The following HESX1 variants were observed in gnomAD, a reference collection of about 807,000 sequenced individuals.
The protein encoded by HESX1 is HESX homeobox 1, also known as homeobox expressed in ES cells 1.
HESX1 carries 11 observed loss-of-function variants against 22.5 expected under a neutral mutation model. That is an observed-to-expected ratio of 0.49 (90% confidence interval 0.31 to 0.81). The LOEUF is 0.81. Among genes scored for constraint, HESX1 ranks in the 30% least tolerant of loss-of-function variants. The pLI, the probability that HESX1 is intolerant of heterozygous loss-of-function variation, is 0.05. For missense variants in HESX1, 201 were observed against 212.6 expected (o/e 0.95, Z 0.34); for synonymous variants, 74 against 76.5 (o/e 0.97, Z 0.17).
chr3:57,212,668 T>G (rs1033969070), intron 1 of HESX1, among the ~76,000 whole-genome samples: 3 of 151,832 alleles, frequency 2.0e-5, no homozygotes, highest in African/African-American at 7.3e-5. Context: ...AAAAATATGA[T>G]AGTCTCCTTT....
chr3:57,217,254 T>C, intron 1 of HESX1, among the ~76,000 whole-genome samples: 1 of 152,172 alleles, frequency 6.6e-6, no homozygotes, highest in South Asian at 2.1e-4. Context: ...AGGAAACACA[T>C]GCATGTGATA....
upstream of HESX1, among the ~76,000 whole-genome samples, chr3:57,203,408 C>T (rs143699832): frequency 3.1e-3 from 468 of 152,220 alleles, 4 homozygotes; most frequent in South Asian, 6.9e-3. Flanking sequence ...AATACTTGGT[C>T]CCAATTCTCC....
intron 1 of HESX1, among the ~76,000 whole-genome samples, chr3:57,223,162 CCTTA>C (rs1350643365): frequency 6.6e-6 from 1 of 152,118 alleles, no homozygotes; most frequent in Non-Finnish European, 1.5e-5. Flanking sequence ...AGTTAAATAA[CCTTA>C]CTTAAGTCAC....
intron 1 of HESX1, among the ~76,000 whole-genome samples, chr3:57,222,956 GA>G (rs1441130007): frequency 6.6e-6 from 1 of 151,990 alleles, no homozygotes; most frequent in African/African-American, 2.4e-5. Flanking sequence ...AAATATGATA[GA>G]GACAAAAAAG....
rs1027087889 is a variant in HESX1, at chr3:57,198,853, T to G, written c.257A>C (p.Lys86Thr). The G allele has an allele frequency of 1.2e-6, 2 of 1,614,172 alleles. No individual in the cohort carries two copies. Among genetic ancestry groups the G allele is most frequent in the East Asian group, 2.2e-5 (1 of 44,876 alleles). The change falls in exon 2 of 4, where the codon AAA becomes ACA. Residue 86 changes from lysine (K) to threonine (T), a missense_variant. Physicochemically the swap from Lys to Thr is moderately conservative, Grantham distance 78. Coordinates refer to ENST00000295934, the MANE Select transcript of HESX1 (RefSeq NM_003865.3). The part of the protein sequence containing the change: ...DHPMPEERAS[K>T]YENYFSASER... ...TGAGGCTGAAAAGTAATTTTCATAT[T>G]TCGAAGCTCTTTCTTCTGGCATTGG...
intron 1 of HESX1, among the ~76,000 whole-genome samples, chr3:57,225,242 A>G (rs2060635344): frequency 6.6e-6 from 1 of 152,240 alleles, no homozygotes; most frequent in African/African-American, 2.4e-5. Flanking sequence ...TCCAAATGGA[A>G]GGTTAAAACT....
rs907879964 is a variant in HESX1 at position 57,209,624 on chromosome 3, G to A, written c.-110-9596C>T. Among the ~76,000 whole-genome samples the A allele has an allele frequency of 5.6e-5, 8 of 143,288 alleles. No individual in the cohort carries two copies. In the South Asian group the frequency reaches 1.1e-3, roughly 19 times the overall value. 94.0% of individuals were successfully genotyped at this position (143,288 alleles called of 152,430 possible). A position where few individuals can be genotyped will look rare whatever the true frequency, so the allele number is the denominator to read the frequency against. On this transcript the variant is annotated intron_variant, in intron 1 of 2. Transcript: ENST00000495160. ...TGCACTCCAACCTGGGAAACAGAGC[G>A]AGACTCCATCTCAGTGAGACTTCAT...
At chr3:57,201,716 G>A (rs767589906), upstream of HESX1, among the ~76,000 whole-genome samples, 35 of 151,528 alleles carry the variant, frequency 2.3e-4, no homozygotes, top group Admixed American at 9.3e-4. Context: ...CCTGAGCCCC[G>A]CAGATGAGTG....
chr3:57,206,193 A>AAAAACAAAAACAAAAC (rs1245890249), intron 1 of HESX1, among the ~76,000 whole-genome samples: 1 of 152,208 alleles, frequency 6.6e-6, no homozygotes, highest in Non-Finnish European at 1.5e-5. Context: ...AACTTCTCAA[A>AAAAACAAAAACAAAAC]AAAACAAAAA....
intron 1 of HESX1, among the ~76,000 whole-genome samples, chr3:57,217,009 C>T (rs2060586236): frequency 6.6e-6 from 1 of 152,076 alleles, no homozygotes; most frequent in Non-Finnish European, 1.5e-5. Flanking sequence ...CAATGGGAGT[C>T]CCCTTCAAGT....
intron 1 of HESX1, among the ~76,000 whole-genome samples, chr3:57,218,915 T>G (rs773602649): frequency 1.6e-4 from 25 of 152,198 alleles, no homozygotes; most frequent in Non-Finnish European, 1.6e-4. Context: ...TGATTTATAT[T>G]CCTTTGGGTT....
rs187006444 is a variant in HESX1 at position 57,207,571 on chromosome 3, C to T, written c.-110-7543G>A. The stretch of plus-strand genomic sequence containing the variant: ...ACCTACTTGGACAAAGAATAAATGT[C>T]TGTCTTGTTGTTTGGGGTCTGTAAG... On this transcript the variant is annotated intron_variant, in intron 1 of 2. Coordinates refer to the HESX1 transcript ENST00000495160. Among the ~76,000 whole-genome samples, 436 of 152,296 alleles carry T rather than the reference C, an allele frequency of 2.9e-3. 10 individuals are homozygous for T. The highest frequency in any genetic ancestry group is 0.027 in the Admixed American group (413 of 15,292).
At chr3:57,200,563 G>T (rs944784557), upstream of HESX1, among the ~76,000 whole-genome samples, 1 of 152,190 alleles carries the variant, frequency 6.6e-6, no homozygotes, top group African/African-American at 2.4e-5. Context: ...TTATTAACAT[G>T]GAGTGTAATT....
At chr3:57,204,576 G>A (rs975418), upstream of HESX1, among the ~76,000 whole-genome samples, 1 of 151,998 alleles carries the variant, frequency 6.6e-6, no homozygotes, top group African/African-American at 2.4e-5. Context: ...TAAGCTCAGT[G>A]CTAGAGTGCT....
Position 57,199,752 on chromosome 3 carries a change from T to G in HESX1, c.157+10A>C. ...TAACAAAGAATTGAAACAATTAAGC[T>G]GTGGCATACCTGATGAGCTGCAGGT... On this transcript the variant is annotated intron_variant, in intron 1 of 3. Transcript: ENST00000295934. 2 of 1,613,744 alleles carry G rather than the reference T, an allele frequency of 1.2e-6. No homozygotes were observed. Among genetic ancestry groups the G allele is most frequent in the South Asian group, 1.1e-5 (1 of 91,078 alleles).
At chr3:57,213,995 T>G (rs1276782116) in intron 1 of HESX1, among the ~76,000 whole-genome samples, 1 of 152,198 alleles carries the variant, frequency 6.6e-6, no homozygotes, top group Non-Finnish European at 1.5e-5. Context: ...GGGAGTGCAC[T>G]AGGACTCAGA....
At chr3:57,210,131 CATATG>C (rs1330287789) in intron 1 of HESX1, among the ~76,000 whole-genome samples, 1 of 152,220 alleles carries the variant, frequency 6.6e-6, no homozygotes, top group Admixed American at 6.5e-5. Flanking sequence ...GAAAACTTTG[CATATG>C]ATATCAATAT....
At chr3:57,225,001 G>T (rs903581119) in intron 1 of HESX1, among the ~76,000 whole-genome samples, 1 of 152,102 alleles carries the variant, frequency 6.6e-6, no homozygotes, top group East Asian at 1.9e-4. Context: ...CTACCCACAC[G>T]AGTCGCCAGT....
chr3:57,198,231 G>C lies in HESX1; in HGVS notation c.524C>G (p.Ala175Gly). 1.9e-6 allele frequency: 3 copies of C among 1,610,832 alleles called. No homozygotes were observed. Among genetic ancestry groups the C allele is most frequent in the Non-Finnish European group, 2.5e-6 (3 of 1,178,086 alleles). Residue 175 changes from alanine to glycine, a missense_variant, in exon 4 of 4, where the codon GCG becomes GGG. Transcript: ENST00000295934. ...CAGATTTGTGTTGAAATTTTTTTTC[G>C]CCATTAGAAACTGTGATTCTCTATG... ...RSHRESQFLM[A>G]KKNFNTNLLE
Sources: allele counts gnomAD v4.1 joint callset (sites outside exome capture counted in the v4.1 genomes callset), GRCh38; gene constraint gnomAD v4.1.1; transcripts MANE v1.5; gene names NCBI Gene and HGNC (gene_info 2026-07-23, HGNC 2026-07-21).